PAN3: variants seen among roughly 807,000 people sequenced by gnomAD.
The protein encoded by PAN3 is PAN2-PAN3 deadenylation complex subunit PAN3.
In PAN3, 19 loss-of-function variants were observed where a neutral mutation model predicts 96.2. The ratio of observed to expected loss-of-function variants is 0.20; its 90% CI spans 0.14 to 0.29. The LOEUF is 0.29. Ranked by LOEUF, PAN3 falls within the 10% of genes least tolerant of loss-of-function variation. The pLI, the probability that PAN3 is intolerant of heterozygous loss-of-function variation, is 1.00. For synonymous variants in PAN3, 433 were observed against 406.6 expected (o/e 1.06, Z -0.78); for missense variants, 882 against 1,108.1 (o/e 0.80, Z 2.90).
At chr13:28,187,301 T>C (rs1876604874) in intron 4 of PAN3, among the ~76,000 whole-genome samples, 1 of 152,194 alleles carries the variant, frequency 6.6e-6, no homozygotes, top group Non-Finnish European at 1.5e-5. Flanking sequence ...CACTCCAGCC[T>C]GGGAAACAGA....
intron 1 of PAN3, among the ~76,000 whole-genome samples, chr13:28,149,487 G>A (rs371525529): frequency 2.0e-5 from 3 of 152,026 alleles, no homozygotes; most frequent in African/African-American, 7.2e-5. Flanking sequence ...TACATAAATC[G>A]CGTCTTTGGT....
In PAN3 at chr13:28,194,121, C is replaced by T. The variant is rs574090804; in HGVS notation, c.691-3064C>T. On this transcript the variant is annotated intron_variant, in intron 4 of 18. Coordinates refer to ENST00000380958, the MANE Select transcript of PAN3 (RefSeq NM_175854.8). The stretch of plus-strand genomic sequence containing the variant: ...GCAGTGAGCTGAGATGATACCACTG[C>T]GCTCCAGCCTGGGCGATGGAGTCTC... Among the ~76,000 whole-genome samples the T allele has an allele frequency of 1.1e-3, 159 of 150,536 alleles. 1 individual carries two copies. Among genetic ancestry groups the T allele is most frequent in the South Asian group, 1.3e-3 (6 of 4,746 alleles).
intron 5 of PAN3, among the ~76,000 whole-genome samples, chr13:28,201,169 G>A (rs1486551819): frequency 6.6e-6 from 1 of 151,484 alleles, no homozygotes; most frequent in African/African-American, 2.4e-5. Context: ...CGAGTAGCTG[G>A]GACTGCAGGC....
chr13:28,284,951 A>G (rs1194079492), intron 17 of PAN3, among the ~76,000 whole-genome samples: 2 of 152,214 alleles, frequency 1.3e-5, no homozygotes, highest in African/African-American at 4.8e-5. Context: ...TTGTGATTTT[A>G]GATGTTGAGT....
In PAN3 at chr13:28,266,864, C is replaced by A; in HGVS notation, c.1561C>A (p.Arg521=). The change falls in exon 10 of 19, where the codon CGG becomes AGG. Residue 521 remains arginine, a synonymous_variant. Transcript: ENST00000380958. The part of the protein sequence containing the change: ...NSKDDLPYCL[R]RIHGFRLVNT... Reference sequence around the variant, plus strand: ...CAAAGATGATCTGCCATATTGCCTTCGGAGGATACATGGTAAGGAAGATAA... The same window carrying A: ...CAAAGATGATCTGCCATATTGCCTTAGGAGGATACATGGTAAGGAAGATAA... 2 of 1,598,814 alleles carry A rather than the reference C, an allele frequency of 1.3e-6. No individual in the cohort carries two copies. The highest frequency in any genetic ancestry group is 1.1e-5 in the South Asian group (1 of 87,938).
chr13:28,214,557 C>T (rs2138342977), intron 5 of PAN3: 1 of 361,858 alleles, frequency 2.8e-6, no homozygotes. Flanking sequence ...TCATTGGACA[C>T]ATAGATTCAA....
intron 15 of PAN3, 110 bp downstream of exon 15, chr13:28,277,486 C>T: frequency 9.1e-7 from 1 of 1,096,988 alleles, no homozygotes; most frequent in Non-Finnish European, 1.3e-6. Flanking sequence ...TCAAGCAAAA[C>T]AGAAACTTTA....
intron 6 of PAN3, among the ~76,000 whole-genome samples, chr13:28,236,248 C>T (rs1006300062): frequency 2.0e-5 from 3 of 152,114 alleles, no homozygotes; most frequent in Admixed American, 6.5e-5. Flanking sequence ...TCTTGCTCAG[C>T]GTTTGATCTC....
At chr13:28,159,709 A>G (rs910181343) in intron 1 of PAN3, among the ~76,000 whole-genome samples, 10 of 152,096 alleles carry the variant, frequency 6.6e-5, no homozygotes, top group African/African-American at 2.4e-4. Context: ...TGGCCTCCCA[A>G]GGTGCTGGGA....
At chr13:28,218,560 G>A (rs1028981084) in intron 5 of PAN3, among the ~76,000 whole-genome samples, 12 of 152,050 alleles carry the variant, frequency 7.9e-5, no homozygotes, top group Non-Finnish European at 1.3e-4. Flanking sequence ...TTAATAGTTA[G>A]GTTAATTTTA....
At position 28,138,849 on chromosome 13, in the gene PAN3, T is replaced by C; in HGVS notation, c.192T>C (p.Cys64=). The C allele has an allele frequency of 1.4e-6, 2 of 1,424,192 alleles. No homozygotes were observed. The highest frequency in any genetic ancestry group is 9.1e-7 in the Non-Finnish European group (1 of 1,093,892). 88.2% of individuals were successfully genotyped at this position (1,424,192 alleles called of 1,614,324 possible). Residue 64 remains cysteine, a synonymous_variant, in exon 1 of 19, where the codon TGT becomes TGC. Transcript: ENST00000380958. ...AGACTTGCTTCTACGGGGAGGAGTG[T>C]CAGTTCCTGCATGAGGACCCTGCCG... The part of the protein sequence containing the change: ...KDKTCFYGEE[C]QFLHEDPAAG...
chr13:28,286,438 T>C (rs982923174), intron 17 of PAN3, among the ~76,000 whole-genome samples: 2 of 152,224 alleles, frequency 1.3e-5, no homozygotes, highest in Non-Finnish European at 2.9e-5. Flanking sequence ...TTGCTGTTTA[T>C]AGAACCTTTT....
At chr13:28,190,391 C>T (rs913419033) in intron 4 of PAN3, among the ~76,000 whole-genome samples, 1 of 151,948 alleles carries the variant, frequency 6.6e-6, no homozygotes, top group Non-Finnish European at 1.5e-5. Flanking sequence ...TATAGGCACA[C>T]CACCACACCT....
intron 5 of PAN3, among the ~76,000 whole-genome samples, chr13:28,208,724 C>A (rs894279770): frequency 3.3e-5 from 5 of 152,012 alleles, no homozygotes; most frequent in East Asian, 3.8e-4. Context: ...TGCACACATC[C>A]GGTTTTATTT....
At chr13:28,228,907 A>C (rs1211584746) in intron 6 of PAN3, among the ~76,000 whole-genome samples, 1 of 152,164 alleles carries the variant, frequency 6.6e-6, no homozygotes, top group Non-Finnish European at 1.5e-5. Context: ...ATATGACAAA[A>C]ATGTATTTCT....
At chr13:28,235,388 A>G (rs1475292068) in intron 6 of PAN3, among the ~76,000 whole-genome samples, 2 of 152,154 alleles carry the variant, frequency 1.3e-5, no homozygotes, top group Admixed American at 6.5e-5. Context: ...CTTTGACTCT[A>G]CTTCATATAG....
At chr13:28,292,253 G>A (rs1268105566) in intron 18 of PAN3, 129 bp from the exon 19 acceptor site, 9 of 900,340 alleles carry the variant, frequency 1.0e-5, no homozygotes, top group Non-Finnish European at 1.3e-5. Context: ...TGATATAAAT[G>A]TACTCATGGA....
intron 1 of PAN3, among the ~76,000 whole-genome samples, chr13:28,148,836 T>C (rs1255754900): frequency 6.6e-6 from 1 of 152,210 alleles, no homozygotes; most frequent in Non-Finnish European, 1.5e-5. Context: ...ATCTACTTTA[T>C]TCTTTCTCGT....
At chr13:28,158,527 C>T (rs529460408) in intron 1 of PAN3, among the ~76,000 whole-genome samples, 54 of 152,272 alleles carry the variant, frequency 3.5e-4, no homozygotes, top group African/African-American at 1.3e-3. Context: ...GGGCAGAGGA[C>T]ATGAACAGAC....
Sources: gnomAD v4.1 joint callset for allele counts (sites outside exome capture counted in the v4.1 genomes callset) on GRCh38, gnomAD v4.1.1 for gene constraint, MANE v1.5 for transcripts, NCBI Gene and HGNC (gene_info 2026-07-23, HGNC 2026-07-21) for gene names.